Variants in CSMD1 observed in about 807,000 individuals in gnomAD.
CSMD1 encodes CUB and Sushi multiple domains 1.
In CSMD1, 213 loss-of-function variants were observed where a neutral mutation model predicts 417.5. That is an observed-to-expected ratio of 0.51 (90% CI 0.46 to 0.57). The LOEUF is 0.57. Among genes scored for constraint, CSMD1 ranks in the 20% least tolerant of loss-of-function variants. The pLI is 0.00. For synonymous variants in CSMD1, 2,862 were observed against 1,736.8 expected, an observed-to-expected ratio of 1.65 and a Z score of -16.11; for missense variants, 6,923 against 4,529.7, an observed-to-expected ratio of 1.53 and a Z score of -15.17.
chr8:3,323,514 A>T (rs1806289584), intron 23 of CSMD1, among the ~76,000 whole-genome samples: 2 of 152,204 alleles, frequency 1.3e-5, no homozygotes, highest in South Asian at 4.1e-4. Flanking sequence ...GAAGGAGTTA[A>T]AAGGGAAACT....
intron 1 of CSMD1, among the ~76,000 whole-genome samples, chr8:4,992,497 T>A (rs751816544): frequency 6.6e-6 from 1 of 151,920 alleles, no homozygotes; most frequent in Non-Finnish European, 1.5e-5. Flanking sequence ...GGGCGGGAAG[T>A]TTTGCGGAGT....
Position 3,182,707 on chromosome 8 carries a change from T to G in CSMD1, c.5621-1493A>C, listed in dbSNP as rs546392870. On this transcript the variant is annotated intron_variant, in intron 36 of 69. Transcript: ENST00000635120. ...TGTGTGTGTGTGTATGTGTGTGTAT[T>G]GTTAGTAGAGAAGGACTCTGGCTGT... Among the ~76,000 whole-genome samples, 3 of 72,182 alleles carry G rather than the reference T, an allele frequency of 4.2e-5. No homozygotes were observed. The South Asian group carries it at 1.3e-3, about 31-fold the overall frequency. The allele number at this position is 72,182 out of a possible 152,430, so 47.4% of individuals were successfully genotyped here. A position where few individuals can be genotyped will look rare whatever the true frequency, so the allele number is the denominator to read the frequency against.
chr8:4,078,223 T>C (rs1799934610), intron 3 of CSMD1, among the ~76,000 whole-genome samples: 1 of 152,170 alleles, frequency 6.6e-6, no homozygotes, highest in Non-Finnish European at 1.5e-5. Flanking sequence ...TTTCTTTTAA[T>C]TTTCTTACAC....
chr8:4,862,059 G>A (rs7841527), intron 1 of CSMD1, among the ~76,000 whole-genome samples: 25,797 of 151,988 alleles, frequency 0.17, 2,406 homozygotes, highest in East Asian at 0.26. Flanking sequence ...GGATGCTCAG[G>A]GAAATGCTAC....
In CSMD1 at chr8:4,413,755, C is replaced by A. The variant is rs140390951; in HGVS notation, c.415+6198G>T. 3.4e-3 allele frequency among the ~76,000 whole-genome samples: 513 copies of A among 152,064 alleles called. 4 individuals are homozygous for A. Among genetic ancestry groups the A allele is most frequent in the Non-Finnish European group, 5.6e-3 (383 of 68,002 alleles). Reference sequence around the variant, plus strand: ...ATACAGCTAGTGTTCAAAACCCCTGCAAATGGAGGACAAACGAGAGATTTC... The same window carrying A: ...ATACAGCTAGTGTTCAAAACCCCTGAAAATGGAGGACAAACGAGAGATTTC... On this transcript the variant is annotated intron_variant, in intron 3 of 69. Transcript: ENST00000635120.
At chr8:4,670,149 A>T (rs1805204230) in intron 1 of CSMD1, among the ~76,000 whole-genome samples, 1 of 152,148 alleles carries the variant, frequency 6.6e-6, no homozygotes, top group Non-Finnish European at 1.5e-5. Context: ...ATAGTTTTTC[A>T]TCTCCTACAC....
chr8:4,005,052 T>A (rs1815999414), intron 4 of CSMD1, among the ~76,000 whole-genome samples: 2 of 152,110 alleles, frequency 1.3e-5, no homozygotes, highest in African/African-American at 4.8e-5. Flanking sequence ...AAACCAAACA[T>A]CCTATGTTCT....
intron 2 of CSMD1, among the ~76,000 whole-genome samples, chr8:4,433,595 A>G (rs1391894476): frequency 6.6e-6 from 1 of 152,148 alleles, no homozygotes. Context: ...CGCCCTTAAA[A>G]TGGGAAACGA....
intron 3 of CSMD1, among the ~76,000 whole-genome samples, chr8:4,233,955 G>A (rs1585068830): frequency 1.3e-5 from 2 of 150,474 alleles, no homozygotes; most frequent in African/African-American, 4.9e-5. Context: ...TGCATGGAGA[G>A]CTTAAGGTAA....
chr8:3,710,366 C>T (rs1053889895), intron 6 of CSMD1, among the ~76,000 whole-genome samples: 3 of 152,096 alleles, frequency 2.0e-5, no homozygotes, highest in African/African-American at 4.8e-5. Flanking sequence ...AGAACTCTGA[C>T]GAAATACAAT....
intron 7 of CSMD1, among the ~76,000 whole-genome samples, chr8:3,627,130 T>C (rs1796530990): frequency 6.6e-6 from 1 of 152,154 alleles, no homozygotes; most frequent in Non-Finnish European, 1.5e-5. Context: ...TTTGATGTAG[T>C]CACTCAAAAA....
rs1192439311 is a variant in CSMD1 at position 3,659,774 on chromosome 8, G to C, written c.1010-42977C>G. Among the ~76,000 whole-genome samples, 4 of 152,082 alleles carry C rather than the reference G, an allele frequency of 2.6e-5. No homozygotes were observed. In the East Asian group the frequency reaches 5.8e-4, roughly 22 times the overall value. On this transcript the variant is annotated intron_variant, in intron 7 of 69. Coordinates refer to ENST00000635120, the MANE Select transcript of CSMD1 (RefSeq NM_033225.6). ...TATGAAAAATACTGGTAAAGATCTT[G>C]AATTCCCAATACGCAATAGAACTGG...
chr8:4,926,517 T>C (rs2117170145), intron 1 of CSMD1, among the ~76,000 whole-genome samples: 1 of 152,344 alleles, frequency 6.6e-6, no homozygotes, highest in Non-Finnish European at 1.5e-5. Context: ...AGCAGTTATC[T>C]TATTTGTTTT....
intron 3 of CSMD1, among the ~76,000 whole-genome samples, chr8:4,043,986 A>T (rs2130651712): frequency 6.6e-6 from 1 of 152,214 alleles, no homozygotes; most frequent in South Asian, 2.1e-4. Flanking sequence ...TTTAAATGCA[A>T]CTGTAATGTC....
chr8:4,360,046 C>G (rs1209153610), intron 3 of CSMD1, among the ~76,000 whole-genome samples: 1 of 152,188 alleles, frequency 6.6e-6, no homozygotes, highest in African/African-American at 2.4e-5. Flanking sequence ...TCTGAGCATA[C>G]AGTTCCTCTC....
Position 3,468,993 on chromosome 8 carries a change from A to T in CSMD1, c.1449-169T>A, listed in dbSNP as rs1043824115. 1.3e-5 allele frequency: 6 copies of T among 463,186 alleles called. No homozygotes were observed. The East Asian group carries it at 1.7e-4, about 13-fold the overall frequency. 28.7% of individuals were successfully genotyped at this position (463,186 alleles called of 1,614,324 possible). A position where few individuals can be genotyped will look rare whatever the true frequency, so the allele number is the denominator to read the frequency against. On this transcript the variant is annotated intron_variant, in intron 11 of 69. Transcript: ENST00000635120. ...TGGTCCATTATATTAATATTCAAAC[A>T]TCACTATCACTGGTGCTTTACAGAA...
intron 12 of CSMD1, among the ~76,000 whole-genome samples, chr8:3,422,192 G>C (rs1391115811): frequency 2.0e-5 from 3 of 152,058 alleles, no homozygotes; most frequent in African/African-American, 7.2e-5. Flanking sequence ...TTTCAGTCTT[G>C]TTGCCTCTCA....
intron 3 of CSMD1, among the ~76,000 whole-genome samples, chr8:4,372,159 T>A (rs1294591050): frequency 6.6e-6 from 1 of 152,236 alleles, no homozygotes; most frequent in African/African-American, 2.4e-5. Flanking sequence ...TCTAACCTTC[T>A]ACTTGTCCAA....
intron 3 of CSMD1, among the ~76,000 whole-genome samples, chr8:4,111,692 T>A (rs1041624385): frequency 6.6e-6 from 1 of 152,144 alleles, no homozygotes; most frequent in East Asian, 1.9e-4. Flanking sequence ...CACCACATGT[T>A]CTCACTTATA....
Sources: gnomAD v4.1 joint callset for allele counts (sites outside exome capture counted in the v4.1 genomes callset) on GRCh38, gnomAD v4.1.1 for gene constraint, MANE v1.5 for transcripts, NCBI Gene and HGNC (gene_info 2026-07-23, HGNC 2026-07-21) for gene names.